The following TNFRSF19 variants were observed in gnomAD, a reference collection of about 807,000 sequenced individuals.
TNFRSF19 encodes tumor necrosis factor receptor superfamily member 19.
Under a neutral mutation model 46.4 loss-of-function variants are expected in TNFRSF19, and 27 were observed. The ratio of observed to expected loss-of-function variants is 0.58; its 90% CI spans 0.43 to 0.80. The LOEUF is 0.80. TNFRSF19 is among the 30% of genes least tolerant of loss of function. The pLI is 0.00. For synonymous variants in TNFRSF19, 204 were observed against 205.0 expected, an observed-to-expected ratio of 1.00 and a Z score of 0.04; for missense variants, 511 against 530.8, an observed-to-expected ratio of 0.96 and a Z score of 0.37.
chr13:23,590,262 G>C lies in TNFRSF19; in HGVS notation c.69+10G>C. 6.5e-7 allele frequency: 1 copy of C among 1,544,682 alleles called. No individual in the cohort carries two copies. Among genetic ancestry groups the C allele is most frequent in the Non-Finnish European group, 8.8e-7 (1 of 1,134,508 alleles). ...ATTACTAGGCTATTTGGTAAGTAAA[G>C]TCCTTTTTTCTTTCATAAGAATGTG... On this transcript the variant is annotated intron_variant, in intron 2 of 9. Transcript: ENST00000248484.
chr13:23,645,805 C>T (rs1178094198), intron 5 of TNFRSF19, among the ~76,000 whole-genome samples: 2 of 152,222 alleles, frequency 1.3e-5, no homozygotes, highest in East Asian at 1.9e-4. Context: ...TGTGTATGTC[C>T]AGCTGCTGGC....
Position 23,674,800 on chromosome 13 carries a change from ATC to A in TNFRSF19, c.*1422_*1423del, listed in dbSNP as rs1332261584. ...ACTTTTAAACTGAATATTAAAATGT[ATC>A]TGTCTTTCCTAGTATGTTTTTATCT... is the stretch of plus-strand genomic sequence containing the variant. On this transcript the variant is annotated 3_prime_UTR_variant, in exon 10 of 10. Coordinates refer to ENST00000248484, the MANE Select transcript of TNFRSF19 (RefSeq NM_148957.4). 1.3e-5 allele frequency: 2 copies of A among 152,240 alleles called. No homozygotes were observed. Among genetic ancestry groups the A allele is most frequent in the Non-Finnish European group, 2.9e-5 (2 of 68,050 alleles). The allele number at this position is 152,240 out of a possible 1,614,324, so 9.4% of individuals were successfully genotyped here. A position where few individuals can be genotyped will look rare whatever the true frequency, so the allele number is the denominator to read the frequency against.
At chr13:23,630,434 A>G (rs1566197658) in intron 5 of TNFRSF19, among the ~76,000 whole-genome samples, 1 of 151,666 alleles carries the variant, frequency 6.6e-6, no homozygotes, top group Non-Finnish European at 1.5e-5. Flanking sequence ...CTCTGGCCCT[A>G]CCCCCACCAG....
At chr13:23,588,804 T>G (rs1184673474) in intron 1 of TNFRSF19, among the ~76,000 whole-genome samples, 1 of 152,202 alleles carries the variant, frequency 6.6e-6, no homozygotes, top group Non-Finnish European at 1.5e-5. Flanking sequence ...GGAAAAAAAG[T>G]TATGACCAAG....
At chr13:23,653,013 A>C (rs1484973255) in intron 5 of TNFRSF19, among the ~76,000 whole-genome samples, 1 of 152,210 alleles carries the variant, frequency 6.6e-6, no homozygotes, top group African/African-American at 2.4e-5. Context: ...GTAAGATAGA[A>C]GTTTCTCTGT....
chr13:23,587,716 G>T (rs997121904), intron 1 of TNFRSF19, among the ~76,000 whole-genome samples: 1 of 152,126 alleles, frequency 6.6e-6, no homozygotes, highest in African/African-American at 2.4e-5. Flanking sequence ...AATTGGATTT[G>T]ATTTCCACTG....
chr13:23,614,484 A>T (rs1314260587), intron 3 of TNFRSF19, among the ~76,000 whole-genome samples: 1 of 152,122 alleles, frequency 6.6e-6, no homozygotes, highest in African/African-American at 2.4e-5. Flanking sequence ...GGAATGTTGA[A>T]CTAGGTGGGA....
At chr13:23,660,248 G>C (rs1452176479) in intron 6 of TNFRSF19, 117 bp from the exon 7 acceptor site, 13 of 1,029,364 alleles carry the variant, frequency 1.3e-5, no homozygotes, top group Middle Eastern at 2.8e-4. Context: ...GTAAGAAGAA[G>C]TCATCAAACA....
chr13:23,620,218 A>G (rs1881562505), intron 4 of TNFRSF19, among the ~76,000 whole-genome samples: 1 of 152,236 alleles, frequency 6.6e-6, no homozygotes, highest in Admixed American at 6.5e-5. Context: ...AACCCATTTT[A>G]TAAACAGAAA....
Position 23,668,031 on chromosome 13 carries a change from A to G in TNFRSF19, c.788A>G (p.Asn263Ser), listed in dbSNP as rs763199678. The G allele has an allele frequency of 6.2e-7, 1 of 1,610,392 alleles. No homozygotes were observed. The highest frequency in any genetic ancestry group is 2.2e-5 in the East Asian group (1 of 44,818). The part of the protein sequence containing the change: ...SMCCEEACSP[N>S]PATLGCGVHS... ...TGCTGTGAGGAGGCCTGCAGCCCCA[A>G]CCCGGCGACTCTTGGTTGTGGGGTG... The change falls in exon 8 of 10, where the codon AAC (asparagine) becomes AGC (serine). Residue 263 changes from asparagine (N) to serine (S), a missense_variant. Physicochemically the swap from Asn to Ser is conservative, Grantham distance 46. Around this residue, in one of 3 missense-constraint regions of TNFRSF19, gnomAD observed 376 missense variants for 372.7 expected, o/e 1.01. Coordinates refer to ENST00000248484, the MANE Select transcript of TNFRSF19 (RefSeq NM_148957.4).
intron 1 of TNFRSF19, among the ~76,000 whole-genome samples, chr13:23,576,334 T>A (rs1387983748): frequency 1.3e-5 from 2 of 152,110 alleles, no homozygotes; most frequent in African/African-American, 4.8e-5. Flanking sequence ...GGTTTCGCCA[T>A]GTTAGCCAGG....
Position 23,659,195 on chromosome 13 carries a change from T to G in TNFRSF19, c.591T>G (p.Phe197Leu). Residue 197 changes from phenylalanine (F) to leucine (L), a missense_variant, in exon 6 of 10, where the codon TTT (phenylalanine) becomes TTG (leucine). Coordinates refer to ENST00000248484, the MANE Select transcript of TNFRSF19 (RefSeq NM_148957.4). This position sits in a 1 kb window ranked among gnomAD's most constrained non-coding sequence, Gnocchi z 4.9. ...GTGTCATCTATTGTAAGAGACAGTTTATGGAGAAGAAACCCAGCTGTAAGT... is the reference window on the plus strand; with the variant it reads ...GTGTCATCTATTGTAAGAGACAGTTGATGGAGAAGAAACCCAGCTGTAAGT... ...ILCVIYCKRQ[F>L]MEKKPSWSLR... is the part of the protein sequence containing the mutation. The G allele has an allele frequency of 6.2e-7, 1 of 1,610,340 alleles. No homozygotes were observed. Among genetic ancestry groups the G allele is most frequent in the Non-Finnish European group, 8.5e-7 (1 of 1,177,178 alleles).
intron 1 of TNFRSF19, among the ~76,000 whole-genome samples, chr13:23,575,683 C>G (rs541848876): frequency 6.6e-6 from 1 of 152,298 alleles, no homozygotes; most frequent in East Asian, 1.9e-4. Flanking sequence ...TTACTATGTG[C>G]CAGAAACTGT....
At chr13:23,596,529 A>G (rs1449022816) in intron 3 of TNFRSF19, among the ~76,000 whole-genome samples, 1 of 152,224 alleles carries the variant, frequency 6.6e-6, no homozygotes, top group Non-Finnish European at 1.5e-5. Context: ...GATCAATGCA[A>G]CAAGAGGAAT....
chr13:23,666,085 G>A (rs531087873), intron 7 of TNFRSF19, among the ~76,000 whole-genome samples: 2 of 152,210 alleles, frequency 1.3e-5, no homozygotes, highest in African/African-American at 4.8e-5. Context: ...AGTCCTCAGC[G>A]CACTGTATCA....
chr13:23,662,871 C>G (rs1382597624), intron 7 of TNFRSF19, among the ~76,000 whole-genome samples: 2 of 152,082 alleles, frequency 1.3e-5, no homozygotes, highest in African/African-American at 4.8e-5. Context: ...GATTTTGTAT[C>G]CTGGAACTTT....
rs1029472062 is a variant in TNFRSF19, at chr13:23,669,180, G to A, written c.1245+83G>A. On this transcript the variant is annotated intron_variant, in intron 9 of 9. Transcript: ENST00000248484. ...TCTGTTCCCAGCATAAGATTTGGGG[G>A]AACCTGATGAGTTTTTTTTTTGCAT... The A allele has an allele frequency of 7.4e-6, 11 of 1,488,896 alleles. No individual in the cohort carries two copies. The Admixed American group carries it at 2.7e-4, about 37-fold the overall frequency. The allele number at this position is 1,488,896 out of a possible 1,614,324, so 92.2% of individuals were successfully genotyped here. A position where few individuals can be genotyped will look rare whatever the true frequency, so the allele number is the denominator to read the frequency against.
intron 1 of TNFRSF19, among the ~76,000 whole-genome samples, chr13:23,588,479 G>A (rs558914747): frequency 5.3e-4 from 81 of 152,224 alleles, no homozygotes; most frequent in African/African-American, 1.8e-3. Flanking sequence ...CCCACTAGAC[G>A]ATTCTATCCA....
At chr13:23,667,188 A>G (rs1280072946) in intron 7 of TNFRSF19, among the ~76,000 whole-genome samples, 1 of 151,424 alleles carries the variant, frequency 6.6e-6, no homozygotes, top group African/African-American at 2.4e-5. Context: ...CAAAAAGCTG[A>G]GTGTTTATTT....
Sources: gnomAD v4.1 joint callset for allele counts (sites outside exome capture counted in the v4.1 genomes callset) on GRCh38, gnomAD v4.1.1 for gene constraint, gnomAD v4.1.1 regional missense constraint, Gnocchi (gnomAD v3.1) non-coding constraint, MANE v1.5 for transcripts, NCBI Gene and HGNC (gene_info 2026-07-23, HGNC 2026-07-21) for gene names.